RPH3A: variants seen among roughly 807,000 people sequenced by gnomAD.
RPH3A encodes the protein rabphilin 3A, also known as rabphilin-3A.
In RPH3A, 48 loss-of-function variants were observed where a neutral mutation model predicts 102.2. The ratio of observed to expected loss-of-function variants is 0.47; its 90% CI spans 0.37 to 0.60. The LOEUF (loss-of-function observed/expected upper bound fraction) is 0.60, where lower values mean the gene tolerates loss of function less well. RPH3A is among the 20% of genes least tolerant of loss of function. The probability of loss-of-function intolerance (pLI) is 0.00; values close to 1 mark genes in which losing one functional copy is unlikely to be tolerated. For missense variants in RPH3A, 781 were observed against 910.1 expected, an observed-to-expected ratio of 0.86 and a Z score of 1.83; for synonymous variants, 310 against 324.3, an observed-to-expected ratio of 0.96 and a Z score of 0.47.
intron 1 of RPH3A, among the ~76,000 whole-genome samples, chr12:112,712,916 T>TTCTTCC (rs1565856764): frequency 4.9e-5 from 5 of 102,216 alleles, no homozygotes; most frequent in Admixed American, 1.1e-4. Context: ...CTTCTTCTTC[T>TTCTTCC]TCTTCTTCCT....
intron 2 of RPH3A, among the ~76,000 whole-genome samples, chr12:112,812,958 A>G (rs2041605763): frequency 6.6e-6 from 1 of 152,380 alleles, no homozygotes; most frequent in South Asian, 2.1e-4. Flanking sequence ...GATGACCACA[A>G]GGGTGACTTC....
intron 5 of RPH3A, among the ~76,000 whole-genome samples, chr12:112,858,682 G>T (rs561786889): frequency 6.6e-6 from 1 of 152,298 alleles, no homozygotes; most frequent in East Asian, 1.9e-4. Context: ...TTTTGCTACC[G>T]TTGGATCCTC....
chr12:112,772,508 G>A (rs1471282856), intron 1 of RPH3A, among the ~76,000 whole-genome samples: 1 of 152,148 alleles, frequency 6.6e-6, no homozygotes, highest in Admixed American at 6.5e-5. Context: ...CCTGGCTGCT[G>A]GTGCCTGGGG....
Position 112,715,516 on chromosome 12 carries a change from G to T in RPH3A, c.-139-76627G>T, listed in dbSNP as rs567695894. Among the ~76,000 whole-genome samples the T allele has an allele frequency of 2.0e-5, 3 of 152,280 alleles. No homozygotes were observed. The South Asian group carries it at 6.2e-4, about 32-fold the overall frequency. On this transcript the variant is annotated intron_variant, in intron 1 of 21. Coordinates refer to the RPH3A transcript ENST00000543106. ...TTCCTAGCATCTACAATGGTGCCTA[G>T]CATTAGAAGGTAACCAAATAATAGT...
At chr12:112,655,398 C>T (rs2040003954) in intron 1 of RPH3A, among the ~76,000 whole-genome samples, 1 of 152,120 alleles carries the variant, frequency 6.6e-6, no homozygotes, top group South Asian at 2.1e-4. Context: ...GTAAACTCAA[C>T]ATCATAGTCG....
In RPH3A at chr12:112,876,788, C is replaced by A. The variant is rs770516032; in HGVS notation, c.1093C>A (p.Gln365Lys). 2.5e-6 allele frequency: 4 copies of A among 1,610,528 alleles called. No individual in the cohort carries two copies. The highest frequency in any genetic ancestry group is 2.5e-6 in the Non-Finnish European group (3 of 1,178,394). Residue 365 changes from glutamine (Q) to lysine (K), a missense_variant, in exon 13 of 22, where the codon CAG becomes AAG. Gln to Lys is a moderately conservative substitution (Grantham distance 53). Around this residue, in one of 2 missense-constraint regions of RPH3A, gnomAD observed 730 missense variants for 810.0 expected, o/e 0.90. Coordinates refer to ENST00000389385, the MANE Select transcript of RPH3A (RefSeq NM_001143854.2). ...PYSQASAAAP[Q>K]PAAARQPPPP... ...TTCCCAAGCATCTGCAGCTGCCCCC[C>A]AGCCTGCTGCAGCCCGCCAGCCACC... is the stretch of plus-strand genomic sequence containing the variant.
At chr12:112,747,303 C>A (rs1232740707) in intron 1 of RPH3A, among the ~76,000 whole-genome samples, 1 of 152,184 alleles carries the variant, frequency 6.6e-6, no homozygotes, top group African/African-American at 2.4e-5. Flanking sequence ...CCAAGAGAGA[C>A]CCCTTGCCCT....
Position 112,635,415 on chromosome 12 carries a change from AT to A in RPH3A, c.-140+60099del, listed in dbSNP as rs1566236942. ...TTACTCTCTTTGCCTCAGTTTCTTT[AT>A]TTGTAAAATGAAGATGATAATTCTA... On this transcript the variant is annotated intron_variant, in intron 1 of 21. Transcript: ENST00000543106. Among the ~76,000 whole-genome samples, 3 of 152,228 alleles carry A rather than the reference AT, an allele frequency of 2.0e-5. No individual in the cohort carries two copies. In the East Asian group the frequency reaches 5.8e-4, roughly 29 times the overall value.
chr12:112,695,088 ATAAG>A (rs2040340046), intron 1 of RPH3A: 1 of 170,544 alleles, frequency 5.9e-6, no homozygotes. Flanking sequence ...AATTTTTAGC[ATAAG>A]TATGTCCCAA....
intron 1 of RPH3A, among the ~76,000 whole-genome samples, chr12:112,742,954 G>A (rs1046217217): frequency 2.6e-5 from 4 of 152,198 alleles, no homozygotes; most frequent in African/African-American, 7.2e-5. Flanking sequence ...AGCTTCTAGC[G>A]GCTGCACATA....
intron 16 of RPH3A, among the ~76,000 whole-genome samples, chr12:112,887,354 T>C (rs1410260938): frequency 6.6e-6 from 1 of 152,148 alleles, no homozygotes; most frequent in Non-Finnish European, 1.5e-5. Context: ...ACAGACATAA[T>C]CTTGAGCAAG....
chr12:112,667,565 A>T (rs958874679), intron 1 of RPH3A, among the ~76,000 whole-genome samples: 1 of 151,980 alleles, frequency 6.6e-6, no homozygotes, highest in African/African-American at 2.4e-5. Context: ...AAAGGGACTG[A>T]TTAAAAAGAT....
intron 1 of RPH3A, among the ~76,000 whole-genome samples, chr12:112,581,915 C>A (rs1403291460): frequency 6.8e-6 from 1 of 147,612 alleles, no homozygotes; most frequent in Non-Finnish European, 1.5e-5. Context: ...ACGTTTTGGA[C>A]CAGATGACCT....
chr12:112,810,678 A>G (rs141775185), intron 2 of RPH3A, among the ~76,000 whole-genome samples: 12 of 152,294 alleles, frequency 7.9e-5, no homozygotes, highest in Middle Eastern at 3.4e-3. Flanking sequence ...GGTATGTTGT[A>G]TGTTCCTGGC....
chr12:112,638,686 A>G (rs1288278244), intron 1 of RPH3A, among the ~76,000 whole-genome samples: 3 of 152,176 alleles, frequency 2.0e-5, no homozygotes, highest in Non-Finnish European at 4.4e-5. Context: ...AATTGCCCCC[A>G]CTTTATTTCA....
intron 1 of RPH3A, among the ~76,000 whole-genome samples, chr12:112,735,864 C>A (rs113919688): frequency 2.6e-5 from 4 of 152,358 alleles, no homozygotes; most frequent in African/African-American, 9.6e-5. Flanking sequence ...CATGGACCCA[C>A]TGGGATCTAT....
chr12:112,591,894 G>T (rs1045468832), intron 1 of RPH3A, among the ~76,000 whole-genome samples: 1 of 152,066 alleles, frequency 6.6e-6, no homozygotes, highest in Non-Finnish European at 1.5e-5. Flanking sequence ...CCTGGCAATC[G>T]TCCCTCAGTA....
At chr12:112,703,633 C>A (rs1375302417) in intron 1 of RPH3A, among the ~76,000 whole-genome samples, 1 of 152,212 alleles carries the variant, frequency 6.6e-6, no homozygotes, top group East Asian at 1.9e-4. Context: ...AGTGGAAATG[C>A]TGACACAAAT....
At chr12:112,601,049 G>A (rs1411164233) in intron 1 of RPH3A, among the ~76,000 whole-genome samples, 4 of 152,110 alleles carry the variant, frequency 2.6e-5, no homozygotes, top group South Asian at 4.1e-4. Flanking sequence ...GGGGGGAACC[G>A]CCCCCATGAT....
Sources: allele counts gnomAD v4.1 joint callset (sites outside exome capture counted in the v4.1 genomes callset), GRCh38; gene constraint gnomAD v4.1.1; regional missense constraint gnomAD v4.1.1; transcripts MANE v1.5; gene names NCBI Gene and HGNC (gene_info 2026-07-23, HGNC 2026-07-21).